TENM3: variants seen among roughly 807,000 people sequenced by gnomAD.
TENM3 encodes teneurin-3.
A neutral mutation model predicts 255.1 loss-of-function variants in TENM3; 63 were observed. The ratio of observed to expected loss-of-function variants is 0.25; its 90% CI spans 0.20 to 0.30. The LOEUF is 0.30. TENM3 is among the 10% of genes least tolerant of loss of function. The pLI, the probability that TENM3 is intolerant of heterozygous loss-of-function variation, is 1.00. For missense variants in TENM3, 2,929 were observed against 3,461.1 expected (o/e 0.85, Z 3.86); for synonymous variants, 1,306 against 1,322.3 (o/e 0.99, Z 0.27).
chr4:181,774,017 T>G, the TENM3 span, among the ~76,000 whole-genome samples: 70 of 131,326 alleles, frequency 5.3e-4, 1 homozygote, highest in Admixed American at 3.1e-3. Context: ...TTTTTTTTTT[T>G]TTTTTTTTTT....
chr4:182,329,114 C>T (rs1360182021), intron 2 of TENM3, among the ~76,000 whole-genome samples: 1 of 152,186 alleles, frequency 6.6e-6, no homozygotes, highest in Non-Finnish European at 1.5e-5. Context: ...CCACTCATCT[C>T]CCAGCAGACT....
chr4:181,723,984 T>C, the TENM3 span, among the ~76,000 whole-genome samples: 1 of 152,226 alleles, frequency 6.6e-6, no homozygotes, highest in Non-Finnish European at 1.5e-5. Flanking sequence ...CATTTCAGGA[T>C]AACGAGCAAT....
At chr4:182,287,092 G>A (rs192893669) in intron 1 of TENM3, among the ~76,000 whole-genome samples, 259 of 152,280 alleles carry the variant, frequency 1.7e-3, no homozygotes, top group Admixed American at 3.1e-3. Context: ...ACTGGGTGCC[G>A]TGGTGCATGA....
rs528029846 is a variant in TENM3, at chr4:182,345,423, G to A, written c.233-1228G>A. ...ATTAAAATGTTCACAGATTTAAGAG[G>A]TAGAAGTAGGGAAATCAAAACTATG... On this transcript the variant is annotated intron_variant, in intron 2 of 27. Transcript: ENST00000511685. Among the ~76,000 whole-genome samples the A allele has an allele frequency of 7.0e-4, 107 of 152,280 alleles. 1 individual carries two copies. The highest frequency in any genetic ancestry group is 2.5e-3 in the African/African-American group (104 of 41,546).
At chr4:182,204,231 G>T (rs1754398429) in intron 1 of TENM3, among the ~76,000 whole-genome samples, 1 of 152,234 alleles carries the variant, frequency 6.6e-6, no homozygotes, top group Non-Finnish European at 1.5e-5. Context: ...CTCTGATACA[G>T]ATTTCAAATG....
At chr4:181,657,197 C>T in the TENM3 span, among the ~76,000 whole-genome samples, 1 of 152,144 alleles carries the variant, frequency 6.6e-6, no homozygotes, top group Non-Finnish European at 1.5e-5. Context: ...CAATGAGTTG[C>T]ACCAGGAAAA....
the TENM3 span, among the ~76,000 whole-genome samples, chr4:182,036,281 C>T: frequency 6.6e-6 from 1 of 152,136 alleles, no homozygotes; most frequent in African/African-American, 2.4e-5. Context: ...ACCTCCACCT[C>T]CCAGGTTCAA....
At chr4:182,602,935 A>T (rs982444135) in intron 4 of TENM3, among the ~76,000 whole-genome samples, 4 of 152,224 alleles carry the variant, frequency 2.6e-5, no homozygotes, top group Non-Finnish European at 5.9e-5. Flanking sequence ...AAATATGTCA[A>T]ATTAAATCCT....
At chr4:181,553,099 G>T in the TENM3 span, among the ~76,000 whole-genome samples, 2 of 152,186 alleles carry the variant, frequency 1.3e-5, no homozygotes, top group East Asian at 3.9e-4. Flanking sequence ...TTTTGGTTTG[G>T]AGTTATGTTG....
At chr4:182,078,532 C>T in the TENM3 span, among the ~76,000 whole-genome samples, 1 of 150,602 alleles carries the variant, frequency 6.6e-6, no homozygotes, top group Admixed American at 6.6e-5. Flanking sequence ...AAAAACAAAA[C>T]AAAAACAAAA....
chr4:181,949,118 C>T, the TENM3 span, among the ~76,000 whole-genome samples: 4 of 152,090 alleles, frequency 2.6e-5, no homozygotes, highest in Admixed American at 6.6e-5. Context: ...CTCCAAGCAA[C>T]CTTAACTCAT....
chr4:182,317,813 C>A (rs1189906268), intron 1 of TENM3, among the ~76,000 whole-genome samples: 2 of 151,864 alleles, frequency 1.3e-5, no homozygotes, highest in Admixed American at 6.6e-5. Context: ...CTAAAATGAA[C>A]AAAAGCAATT....
intron 3 of TENM3, among the ~76,000 whole-genome samples, chr4:182,509,264 C>T (rs1560847790): frequency 6.6e-6 from 1 of 152,228 alleles, no homozygotes; most frequent in Admixed American, 6.5e-5. Context: ...ATGTGTTTAA[C>T]TCCATTTCAG....
At chr4:182,716,468 C>T (rs1759184003) in intron 13 of TENM3, among the ~76,000 whole-genome samples, 1 of 152,190 alleles carries the variant, frequency 6.6e-6, no homozygotes. Flanking sequence ...GACAGAAGAC[C>T]TCCTGTGGAT....
the TENM3 span, among the ~76,000 whole-genome samples, chr4:181,998,822 C>T: frequency 6.6e-6 from 1 of 152,126 alleles, no homozygotes; most frequent in Non-Finnish European, 1.5e-5. Context: ...AGCAGGATAA[C>T]ATACTACTTG....
At chr4:181,637,141 G>A in the TENM3 span, among the ~76,000 whole-genome samples, 3 of 152,282 alleles carry the variant, frequency 2.0e-5, no homozygotes, top group Non-Finnish European at 4.4e-5. Flanking sequence ...ACAAGATTGC[G>A]AAGCCCCTTC....
At chr4:181,772,027 C>T in the TENM3 span, among the ~76,000 whole-genome samples, 2 of 152,068 alleles carry the variant, frequency 1.3e-5, no homozygotes, top group Admixed American at 1.3e-4. Context: ...ATGTAAATAG[C>T]ACAACACGTA....
chr4:181,553,703 A>G, the TENM3 span, among the ~76,000 whole-genome samples: 1 of 151,868 alleles, frequency 6.6e-6, no homozygotes, highest in Non-Finnish European at 1.5e-5. Context: ...GGCCTCCCAA[A>G]GTGTTGGGAT....
intron 3 of TENM3, among the ~76,000 whole-genome samples, chr4:182,353,277 G>A (rs543356884): frequency 6.6e-4 from 101 of 152,262 alleles, no homozygotes; most frequent in African/African-American, 2.4e-3. Flanking sequence ...TGGCATTTCA[G>A]TGTTATTCTA....
Sources: allele counts gnomAD v4.1 joint callset (sites outside exome capture counted in the v4.1 genomes callset), GRCh38; gene constraint gnomAD v4.1.1; transcripts MANE v1.5; gene names NCBI Gene and HGNC (gene_info 2026-07-23, HGNC 2026-07-21).